ANKRD6: variants seen among roughly 807,000 people sequenced by gnomAD.
ANKRD6 encodes the protein ankyrin repeat domain 6, also known as ankyrin repeat domain-containing protein 6.
In ANKRD6, 56 loss-of-function variants were observed where a neutral mutation model predicts 82.3. That is an observed-to-expected ratio of 0.68 (90% CI 0.55 to 0.85). The LOEUF is 0.85. ANKRD6 is among the 40% of genes least tolerant of loss of function. The pLI is 0.00. For missense variants in ANKRD6, 852 were observed against 907.6 expected, an observed-to-expected ratio of 0.94 and a Z score of 0.79; for synonymous variants, 347 against 352.1, an observed-to-expected ratio of 0.99 and a Z score of 0.16.
chr6:89,526,325 T>A (rs1782491740), intron 1 of ANKRD6, among the ~76,000 whole-genome samples: 1 of 152,134 alleles, frequency 6.6e-6, no homozygotes, highest in African/African-American at 2.4e-5. Flanking sequence ...AAGTTGAACA[T>A]TCATGAACCA....
intron 13 of ANKRD6, among the ~76,000 whole-genome samples, chr6:89,626,491 G>A (rs1805739620): frequency 6.6e-6 from 1 of 152,160 alleles, no homozygotes; most frequent in Non-Finnish European, 1.5e-5. Context: ...GGGAGAGTAG[G>A]CCAATCCTAG....
intron 13 of ANKRD6, 65 bp downstream of exon 13, chr6:89,624,756 A>T: frequency 6.5e-7 from 1 of 1,535,466 alleles, no homozygotes; most frequent in African/African-American, 1.4e-5. Context: ...TCAGGAACCA[A>T]CTTCGACTTT....
At chr6:89,596,191 C>T (rs1290474147) in intron 3 of ANKRD6, among the ~76,000 whole-genome samples, 177 bp downstream of exon 3, 1 of 152,102 alleles carries the variant, frequency 6.6e-6, no homozygotes, top group Non-Finnish European at 1.5e-5. Context: ...CTCTGAGGCC[C>T]ATTCTCAGTA....
At chr6:89,504,409 G>A (rs1008252392) in intron 1 of ANKRD6, among the ~76,000 whole-genome samples, 3 of 148,048 alleles carry the variant, frequency 2.0e-5, no homozygotes, top group African/African-American at 4.9e-5. Flanking sequence ...TCTCGCTCGC[G>A]CTCTCGCTCT....
chr6:89,447,728 G>GC (rs1416901129), intron 1 of ANKRD6, among the ~76,000 whole-genome samples: 1 of 152,072 alleles, frequency 6.6e-6, no homozygotes, highest in Non-Finnish European at 1.5e-5. Flanking sequence ...TACTCTTGTT[G>GC]CCCAGGCTGG....
intron 1 of ANKRD6, among the ~76,000 whole-genome samples, chr6:89,441,406 G>C (rs959905864): frequency 2.6e-5 from 4 of 152,138 alleles, no homozygotes; most frequent in African/African-American, 9.7e-5. Context: ...GCCTGCCTCG[G>C]CCTCCCAAAG....
intron 1 of ANKRD6, among the ~76,000 whole-genome samples, chr6:89,542,855 C>T (rs898423304): frequency 6.6e-6 from 1 of 152,202 alleles, no homozygotes; most frequent in African/African-American, 2.4e-5. Flanking sequence ...GAAAGGTATT[C>T]TTAATTACAG....
intron 1 of ANKRD6, among the ~76,000 whole-genome samples, chr6:89,491,806 TAAAAA>T (rs1052673384): frequency 1.4e-5 from 2 of 144,270 alleles, no homozygotes; most frequent in Non-Finnish European, 3.1e-5. Context: ...ATAATAAAAT[TAAAAA>T]AAAAAAGTCC....
In ANKRD6 at chr6:89,631,240, CT is replaced by C; in HGVS notation, c.*238del. 1 of 628,840 alleles carries C rather than the reference CT, an allele frequency of 1.6e-6. No homozygotes were observed. The highest frequency in any genetic ancestry group is 2.3e-6 in the Non-Finnish European group (1 of 429,642). 39.0% of individuals were successfully genotyped at this position (628,840 alleles called of 1,614,324 possible). ...TTAGTTTTGGGTTTCATTATAAACTCTTAGCCTCAGTCCAGGTTAATCTGAA... is the reference window on the plus strand; with the variant it reads ...TTAGTTTTGGGTTTCATTATAAACTCTAGCCTCAGTCCAGGTTAATCTGAA... On this transcript the variant is annotated 3_prime_UTR_variant, in exon 16 of 16. Coordinates refer to ENST00000339746, the MANE Select transcript of ANKRD6 (RefSeq NM_001242809.2).
At chr6:89,442,918 A>G (rs1771604041) in intron 1 of ANKRD6, among the ~76,000 whole-genome samples, 1 of 152,182 alleles carries the variant, frequency 6.6e-6, no homozygotes, top group South Asian at 2.1e-4. Context: ...TCATTAGCAC[A>G]TGGAGGGACT....
intron 2 of ANKRD6, among the ~76,000 whole-genome samples, chr6:89,569,992 G>C (rs1789428880): frequency 2.0e-5 from 3 of 151,754 alleles, no homozygotes; most frequent in East Asian, 1.9e-4. Context: ...TGATTCAACA[G>C]TTTAGTTTTT....
At chr6:89,581,314 C>A (rs150004685) in intron 2 of ANKRD6, among the ~76,000 whole-genome samples, 2 of 152,310 alleles carry the variant, frequency 1.3e-5, no homozygotes, top group East Asian at 3.9e-4. Flanking sequence ...GGATAAATTT[C>A]TCTAAGTGGT....
At chr6:89,499,110 G>A (rs139388556) in intron 1 of ANKRD6, among the ~76,000 whole-genome samples, 62 of 152,180 alleles carry the variant, frequency 4.1e-4, no homozygotes, top group African/African-American at 1.1e-3. Context: ...CATATCTAAG[G>A]TAGAAAAAGA....
intron 2 of ANKRD6, among the ~76,000 whole-genome samples, chr6:89,573,824 A>C (rs1790492777): frequency 6.6e-6 from 1 of 152,116 alleles, no homozygotes; most frequent in African/African-American, 2.4e-5. Context: ...CTGTCTTCTG[A>C]AAGGCCTTTT....
rs919554883 is a variant in ANKRD6 at position 89,511,108 on chromosome 6, G to A, written c.-143-55726G>A. Among the ~76,000 whole-genome samples the A allele has an allele frequency of 5.9e-5, 9 of 152,170 alleles. No homozygotes were observed. In the East Asian group the frequency reaches 9.6e-4, roughly 16 times the overall value. On this transcript the variant is annotated intron_variant, in intron 1 of 15. Coordinates refer to ENST00000339746, the MANE Select transcript of ANKRD6 (RefSeq NM_001242809.2). ...TGGGGTAAGTCATCTATAAAACACC[G>A]CATTGCAAGGCTGAGGTCATGAAGG...
chr6:89,628,786 AAAC>A, intron 14 of ANKRD6: 1 of 266,840 alleles, frequency 3.7e-6, no homozygotes, highest in Non-Finnish European at 7.2e-6. Context: ...ACAAACAAAC[AAAC>A]AAAAAAAAAA....
intron 1 of ANKRD6, among the ~76,000 whole-genome samples, chr6:89,496,591 C>T (rs934025624): frequency 6.6e-6 from 1 of 152,078 alleles, no homozygotes; most frequent in African/African-American, 2.4e-5. Flanking sequence ...GGTGCGATCT[C>T]GGGTCACTGC....
At chr6:89,606,846 G>C (rs1798735164) in intron 5 of ANKRD6, among the ~76,000 whole-genome samples, 1 of 149,202 alleles carries the variant, frequency 6.7e-6, no homozygotes, top group African/African-American at 2.5e-5. Context: ...CAGAGTGAGA[G>C]ACTGTCGTGG....
chr6:89,498,306 A>C (rs906509701), intron 1 of ANKRD6, among the ~76,000 whole-genome samples: 1 of 152,214 alleles, frequency 6.6e-6, no homozygotes, highest in Non-Finnish European at 1.5e-5. Flanking sequence ...GGAGCAAAAT[A>C]CTTTGAGAAC....
Sources: gnomAD v4.1 joint callset for allele counts (sites outside exome capture counted in the v4.1 genomes callset) on GRCh38, gnomAD v4.1.1 for gene constraint, MANE v1.5 for transcripts, NCBI Gene and HGNC (gene_info 2026-07-23, HGNC 2026-07-21) for gene names.